Variants in SCRN3 observed in about 807,000 individuals in gnomAD.
SCRN3 encodes secernin-3.
Under a neutral mutation model 43.1 loss-of-function variants are expected in SCRN3, and 39 were observed. The ratio of observed to expected loss-of-function variants is 0.91; its 90% CI spans 0.70 to 1.18. The LOEUF is 1.18. SCRN3 is among the 50% of genes most tolerant of loss of function. The pLI, the probability that SCRN3 is intolerant of heterozygous loss-of-function variation, is 0.00. For synonymous variants in SCRN3, 147 were observed against 163.1 expected, an observed-to-expected ratio of 0.90 and a Z score of 0.75; for missense variants, 484 against 498.0, an observed-to-expected ratio of 0.97 and a Z score of 0.27.
At position 174,412,294 on chromosome 2, in the gene SCRN3, C is replaced by A. The variant is rs973135313; in HGVS notation, c.754+7979C>A. Among the ~76,000 whole-genome samples the A allele has an allele frequency of 3.3e-5, 5 of 152,018 alleles. No homozygotes were observed. In the East Asian group the frequency reaches 5.8e-4, roughly 18 times the overall value. Reference sequence around the variant, plus strand: ...CCAAGAGAAACCTTCTTTTTCTTGTCTGAGGAGAGGGAAGGTGGGCACCAA... The same window carrying A: ...CCAAGAGAAACCTTCTTTTTCTTGTATGAGGAGAGGGAAGGTGGGCACCAA... On this transcript the variant is annotated intron_variant, in intron 5 of 7. Coordinates refer to ENST00000272732, the MANE Select transcript of SCRN3 (RefSeq NM_024583.5).
Position 174,424,459 on chromosome 2 carries a change from A to G in SCRN3, c.918-16A>G. 4 of 1,526,136 alleles carry G rather than the reference A, an allele frequency of 2.6e-6. No individual in the cohort carries two copies. In the South Asian group the frequency reaches 4.8e-5, roughly 18 times the overall value. 94.5% of individuals were successfully genotyped at this position (1,526,136 alleles called of 1,614,324 possible). A position where few individuals can be genotyped will look rare whatever the true frequency, so the allele number is the denominator to read the frequency against. ...ATATATTGACATGATAATTTAATAA[A>G]GACTCTTTTTTCTAGATCTGTTTTT... On this transcript the variant is annotated splice_polypyrimidine_tract_variant and intron_variant, in intron 6 of 7. Coordinates refer to ENST00000272732, the MANE Select transcript of SCRN3 (RefSeq NM_024583.5).
At chr2:174,407,622 C>G (rs1179077954) in intron 5 of SCRN3, among the ~76,000 whole-genome samples, 1 of 109,282 alleles carries the variant, frequency 9.2e-6, no homozygotes, top group African/African-American at 3.8e-5. Context: ...CCTCTACACA[C>G]TGCTTTGAAT....
At chr2:174,424,678 C>A in intron 7 of SCRN3, 29 bp downstream of exon 7, 3 of 1,543,626 alleles carry the variant, frequency 1.9e-6, no homozygotes, top group Non-Finnish European at 2.7e-6. Flanking sequence ...TTTGTTATAT[C>A]ATTAAGTGTA....
At chr2:174,395,900 C>T (rs566528179) in intron 1 of SCRN3, 83 bp downstream of exon 1, 2 of 1,427,272 alleles carry the variant, frequency 1.4e-6, no homozygotes, top group Non-Finnish European at 9.2e-7. Context: ...ACTGCTTGAC[C>T]GAGGGGCTCC....
In SCRN3 at chr2:174,408,663, A is replaced by G. The variant is rs1284249620; in HGVS notation, c.754+4348A>G. 2.0e-4 allele frequency among the ~76,000 whole-genome samples: 28 copies of G among 140,934 alleles called. 1 individual carries two copies. In the South Asian group the frequency reaches 6.6e-3, roughly 33 times the overall value. 92.5% of individuals were successfully genotyped at this position (140,934 alleles called of 152,430 possible). A position where few individuals can be genotyped will look rare whatever the true frequency, so the allele number is the denominator to read the frequency against. On this transcript the variant is annotated intron_variant, in intron 5 of 7. Transcript: ENST00000272732. ...TTTTAGGGCAGGCCTGGTGGTGACA[A>G]AATCGGTCAGCATTTGCTTGTCTGT...
intron 5 of SCRN3, among the ~76,000 whole-genome samples, chr2:174,418,014 A>C (rs1686174733): frequency 6.6e-6 from 1 of 152,232 alleles, no homozygotes; most frequent in Non-Finnish European, 1.5e-5. Context: ...AAAATGAAGA[A>C]CAACAATGCA....
In SCRN3 at chr2:174,428,751, T is replaced by C. The variant is rs1175263653; in HGVS notation, c.*856T>C. On this transcript the variant is annotated 3_prime_UTR_variant, in exon 8 of 8. Coordinates refer to ENST00000272732, the MANE Select transcript of SCRN3 (RefSeq NM_024583.5). ...ACATTTTGAACACTATAATGCATTA[T>C]ATATTATGAACTTTTATGAACTTTA... The C allele has an allele frequency of 6.6e-6, 1 of 152,222 alleles. No homozygotes were observed. Among genetic ancestry groups the C allele is most frequent in the East Asian group, 1.9e-4 (1 of 5,202 alleles). 9.4% of individuals were successfully genotyped at this position (152,222 alleles called of 1,614,324 possible). A position where few individuals can be genotyped will look rare whatever the true frequency, so the allele number is the denominator to read the frequency against.
At chr2:174,401,308 C>A in intron 4 of SCRN3, 119 bp downstream of exon 4, 1 of 756,042 alleles carries the variant, frequency 1.3e-6, no homozygotes, top group Non-Finnish European at 2.1e-6. Flanking sequence ...AAGGGTTGAA[C>A]TGCAAGGGAA....
intron 5 of SCRN3, among the ~76,000 whole-genome samples, chr2:174,411,112 C>T (rs1685902955): frequency 6.6e-6 from 1 of 152,252 alleles, no homozygotes; most frequent in East Asian, 1.9e-4. Flanking sequence ...GCCTGCTGCT[C>T]CAGGATGTGG....
chr2:174,422,668 C>A (rs976758699), intron 5 of SCRN3, among the ~76,000 whole-genome samples: 1 of 151,352 alleles, frequency 6.6e-6, no homozygotes, highest in Non-Finnish European at 1.5e-5. Flanking sequence ...GTTACAATGG[C>A]TTTGAGACTT....
Position 174,428,013 on chromosome 2 carries a change from T to C in SCRN3, c.*118T>C. The C allele has an allele frequency of 1.6e-6, 1 of 631,648 alleles. No homozygotes were observed. Among genetic ancestry groups the C allele is most frequent in the Non-Finnish European group, 2.7e-6 (1 of 373,710 alleles). 39.1% of individuals were successfully genotyped at this position (631,648 alleles called of 1,614,324 possible). ...TAACTTGAGCAGATCTGATTATTCT[T>C]GGATAGTATTCAAGTGGTATCTTGA... On this transcript the variant is annotated 3_prime_UTR_variant, in exon 8 of 8. Transcript: ENST00000272732.
chr2:174,423,932 G>A (rs1461854607), intron 6 of SCRN3, among the ~76,000 whole-genome samples: 2 of 151,872 alleles, frequency 1.3e-5, no homozygotes, highest in Non-Finnish European at 2.9e-5. Flanking sequence ...GGTACTGCAG[G>A]TGCATGCCAC....
At position 174,428,014 on chromosome 2, in the gene SCRN3, G is replaced by A; in HGVS notation, c.*119G>A. On this transcript the variant is annotated 3_prime_UTR_variant, in exon 8 of 8. Transcript: ENST00000272732. ...AACTTGAGCAGATCTGATTATTCTT[G>A]GATAGTATTCAAGTGGTATCTTGAC... 1.6e-6 allele frequency: 1 copy of A among 626,960 alleles called. No homozygotes were observed. Among genetic ancestry groups the A allele is most frequent in the Non-Finnish European group, 2.7e-6 (1 of 371,136 alleles). The allele number at this position is 626,960 out of a possible 1,614,324, so 38.8% of individuals were successfully genotyped here. A position where few individuals can be genotyped will look rare whatever the true frequency, so the allele number is the denominator to read the frequency against.
chr2:174,422,026 GAA>G (rs1050910137), intron 5 of SCRN3, among the ~76,000 whole-genome samples: 7 of 151,858 alleles, frequency 4.6e-5, no homozygotes, highest in African/African-American at 1.5e-4. Context: ...CAAGAATGGA[GAA>G]AAAGAGACAA....
At chr2:174,400,387 A>G (rs757806217) in intron 3 of SCRN3, among the ~76,000 whole-genome samples, 5 of 152,150 alleles carry the variant, frequency 3.3e-5, no homozygotes, top group African/African-American at 4.8e-5. Flanking sequence ...CCTGAGCTCA[A>G]GCAATCATCC....
intron 5 of SCRN3, among the ~76,000 whole-genome samples, chr2:174,421,876 C>T: frequency 6.6e-6 from 1 of 152,056 alleles, no homozygotes; most frequent in African/African-American, 2.4e-5. Flanking sequence ...ATGGGTCCTG[C>T]TTGCGTTAAT....
intron 5 of SCRN3, among the ~76,000 whole-genome samples, chr2:174,415,040 T>C (rs1686057377): frequency 6.6e-6 from 1 of 152,168 alleles, no homozygotes; most frequent in Admixed American, 6.5e-5. Flanking sequence ...GCTGGGATTA[T>C]AGGCGTGAGC....
At chr2:174,419,606 C>T (rs1574667727) in intron 5 of SCRN3, among the ~76,000 whole-genome samples, 1 of 144,380 alleles carries the variant, frequency 6.9e-6, no homozygotes, top group Admixed American at 6.9e-5. Flanking sequence ...GTCTCAAACT[C>T]CTGGGCTCAC....
At chr2:174,412,643 G>T (rs1227599652) in intron 5 of SCRN3, among the ~76,000 whole-genome samples, 1 of 152,164 alleles carries the variant, frequency 6.6e-6, no homozygotes, top group Non-Finnish European at 1.5e-5. Context: ...AGGCTCTGTT[G>T]TTCTAGCTAG....
Sources: gnomAD v4.1 joint callset for allele counts (sites outside exome capture counted in the v4.1 genomes callset) on GRCh38, gnomAD v4.1.1 for gene constraint, MANE v1.5 for transcripts, NCBI Gene and HGNC (gene_info 2026-07-23, HGNC 2026-07-21) for gene names.